HSPA12A: variants seen among roughly 807,000 people sequenced by gnomAD.
The protein encoded by HSPA12A is heat shock 70 kDa protein 12A.
HSPA12A carries 28 observed loss-of-function variants against 69.2 expected under a neutral mutation model. That is an observed-to-expected ratio of 0.40 (90% CI 0.30 to 0.55). The LOEUF (loss-of-function observed/expected upper bound fraction) is 0.55. HSPA12A is among the 20% of genes least tolerant of loss of function. The probability of loss-of-function intolerance (pLI) is 0.38; values close to 1 mark genes in which losing one functional copy is unlikely to be tolerated. For synonymous variants in HSPA12A, 345 were observed against 370.5 expected, an observed-to-expected ratio of 0.93 and a Z score of 0.79; for missense variants, 686 against 900.7, an observed-to-expected ratio of 0.76 and a Z score of 3.05.
intron 1 of HSPA12A, among the ~76,000 whole-genome samples, chr10:116,839,686 G>A (rs1271403553): frequency 4.0e-5 from 6 of 149,406 alleles, no homozygotes; most frequent in Admixed American, 6.7e-5. Flanking sequence ...ATGGCATGAC[G>A]TGTATAATCT....
intron 2 of HSPA12A, among the ~76,000 whole-genome samples, chr10:116,757,213 G>T (rs1222566750): frequency 1.3e-5 from 2 of 152,148 alleles, no homozygotes; most frequent in African/African-American, 2.4e-5. Context: ...AATGGGAGGA[G>T]GCCCCTCAGG....
chr10:116,689,982 A>G (rs1554879972), intron 6 of HSPA12A, among the ~76,000 whole-genome samples: 2 of 152,358 alleles, frequency 1.3e-5, no homozygotes, highest in African/African-American at 4.8e-5. Context: ...ACTTTATCAC[A>G]GGAACACTCA....
At chr10:116,700,891 A>C in intron 4 of HSPA12A, 52 bp downstream of exon 4, 1 of 1,573,422 alleles carries the variant, frequency 6.4e-7, no homozygotes, top group South Asian at 1.1e-5. Context: ...GGCTGGAGGA[A>C]GCTTGGCACT....
chr10:116,715,274 C>T (rs537229382), intron 1 of HSPA12A, among the ~76,000 whole-genome samples: 25 of 152,294 alleles, frequency 1.6e-4, no homozygotes, highest in African/African-American at 5.8e-4. Context: ...AGACCAACTG[C>T]GACAGCTTAG....
At chr10:116,833,456 G>A (rs1411240511) in intron 2 of HSPA12A, 1 of 152,182 alleles carries the variant, frequency 6.6e-6, no homozygotes, top group African/African-American at 2.4e-5. Context: ...CCCATAATGT[G>A]GAACTACAAC....
intron 2 of HSPA12A, among the ~76,000 whole-genome samples, chr10:116,827,060 A>C (rs1188287383): frequency 1.3e-5 from 2 of 152,208 alleles, no homozygotes; most frequent in Non-Finnish European, 2.9e-5. Context: ...ATGTTGGCTG[A>C]ATGAATCACT....
chr10:116,720,980 C>T (rs1850758898), intron 1 of HSPA12A, among the ~76,000 whole-genome samples: 1 of 152,196 alleles, frequency 6.6e-6, no homozygotes, highest in African/African-American at 2.4e-5. Flanking sequence ...CAGGCAGCCG[C>T]AGCACAGACA....
chr10:116,811,638 T>A (rs1325242801), intron 2 of HSPA12A, among the ~76,000 whole-genome samples: 2 of 147,814 alleles, frequency 1.4e-5, no homozygotes, highest in Non-Finnish European at 3.0e-5. Flanking sequence ...CCCTGTCTCC[T>A]CTTTGTCAGG....
chr10:116,675,520 G>T lies in HSPA12A; in HGVS notation c.1391-102C>A, dbSNP rs1849211919. 13 of 1,236,358 alleles carry T rather than the reference G, an allele frequency of 1.1e-5. No homozygotes were observed. The South Asian group carries it at 2.1e-4, about 20-fold the overall frequency. 76.6% of individuals were successfully genotyped at this position (1,236,358 alleles called of 1,614,324 possible). On this transcript the variant is annotated intron_variant, in intron 11 of 11. Coordinates refer to ENST00000369209, the MANE Select transcript of HSPA12A (RefSeq NM_025015.3). This position sits in a 1 kb window ranked among gnomAD's most constrained non-coding sequence, Gnocchi z 5.2. Reference sequence around the variant, plus strand: ...GTGGGGAACGGATAAAGCCACTTGGGCCACTGGGAGGGCAGGCTTACTCTG... The same window carrying T: ...GTGGGGAACGGATAAAGCCACTTGGTCCACTGGGAGGGCAGGCTTACTCTG...
At chr10:116,682,266 C>G (rs575636193) in intron 7 of HSPA12A, among the ~76,000 whole-genome samples, 5 of 152,300 alleles carry the variant, frequency 3.3e-5, no homozygotes, top group African/African-American at 1.2e-4. Flanking sequence ...ATGAGACCTA[C>G]CCTGGTCACA....
chr10:116,811,392 G>A (rs988867992), intron 2 of HSPA12A, among the ~76,000 whole-genome samples: 1 of 151,976 alleles, frequency 6.6e-6, no homozygotes, highest in Non-Finnish European at 1.5e-5. Context: ...ACCTCCGCAA[G>A]GCTCTTGTGC....
At chr10:116,682,867 A>ATTTTTTTTTTTTTTT (rs60393392) in intron 7 of HSPA12A, among the ~76,000 whole-genome samples, 77 of 117,710 alleles carry the variant, frequency 6.5e-4, no homozygotes, top group African/African-American at 2.6e-3. Flanking sequence ...CGCCCGGCTA[A>ATTTTTTTTTTTTTTT]TTTTTTTTTT....
intron 2 of HSPA12A, among the ~76,000 whole-genome samples, chr10:116,754,209 G>A (rs1383203381): frequency 6.6e-6 from 1 of 152,204 alleles, no homozygotes; most frequent in East Asian, 1.9e-4. Flanking sequence ...TAACCAGCCT[G>A]TACCTGGACA....
intron 2 of HSPA12A, among the ~76,000 whole-genome samples, chr10:116,794,129 C>T (rs961799597): frequency 5.9e-5 from 9 of 151,902 alleles, no homozygotes; most frequent in Admixed American, 2.6e-4. Context: ...GGCGTGAACC[C>T]GGGAGGTGGA....
intron 2 of HSPA12A, among the ~76,000 whole-genome samples, chr10:116,777,715 C>A (rs1844371932): frequency 6.6e-6 from 1 of 152,212 alleles, no homozygotes; most frequent in African/African-American, 2.4e-5. Flanking sequence ...TGCACAAAAA[C>A]AATTAGAAAA....
chr10:116,718,609 C>T (rs1564794003), intron 1 of HSPA12A, among the ~76,000 whole-genome samples: 1 of 152,160 alleles, frequency 6.6e-6, no homozygotes, highest in Admixed American at 6.5e-5. Flanking sequence ...TTGAGGGACA[C>T]CTCCCAAGCA....
chr10:116,701,634 C>T (rs553600264), intron 3 of HSPA12A, among the ~76,000 whole-genome samples: 1 of 152,278 alleles, frequency 6.6e-6, no homozygotes, highest in South Asian at 2.1e-4. Context: ...CGGGGGAGAA[C>T]TGAAGAAGAG....
intron 2 of HSPA12A, among the ~76,000 whole-genome samples, chr10:116,804,514 T>C (rs555299851): frequency 3.9e-5 from 6 of 152,110 alleles, no homozygotes; most frequent in South Asian, 4.2e-4. Context: ...TCCAGGTCTC[T>C]ACCTCCCCTT....
intron 2 of HSPA12A, among the ~76,000 whole-genome samples, chr10:116,787,788 C>T (rs949108375): frequency 6.6e-6 from 1 of 152,144 alleles, no homozygotes; most frequent in South Asian, 2.1e-4. Context: ...GAAGAGAGTG[C>T]CTGGCAGCCG....
Sources: gnomAD v4.1 joint callset for allele counts (sites outside exome capture counted in the v4.1 genomes callset) on GRCh38, gnomAD v4.1.1 for gene constraint, Gnocchi (gnomAD v3.1) non-coding constraint, MANE v1.5 for transcripts, NCBI Gene and HGNC (gene_info 2026-07-23, HGNC 2026-07-21) for gene names.